Variants in GRM7 observed in about 807,000 individuals in gnomAD.
GRM7 encodes glutamate metabotropic receptor 7, also known as metabotropic glutamate receptor 7.
GRM7 carries 35 observed loss-of-function variants against 84.5 expected under a neutral mutation model. The observed-to-expected ratio is 0.41, with a 90% CI of 0.32 to 0.55. The LOEUF (loss-of-function observed/expected upper bound fraction) is 0.55, where lower values mean the gene tolerates loss of function less well. Ranked by LOEUF, GRM7 falls within the 20% of genes least tolerant of loss-of-function variation. GRM7 has a pLI of 0.19. For missense variants in GRM7, 1,003 were observed against 1,194.6 expected, an observed-to-expected ratio of 0.84 and a Z score of 2.36; for synonymous variants, 487 against 455.1, an observed-to-expected ratio of 1.07 and a Z score of -0.89.
chr3:7,424,334 C>T (rs1271221895), intron 5 of GRM7, among the ~76,000 whole-genome samples: 1 of 151,922 alleles, frequency 6.6e-6, no homozygotes, highest in Non-Finnish European at 1.5e-5. Flanking sequence ...AAAGTCAGGG[C>T]TCCTCCATGA....
rs1700619491 is a variant in GRM7 at position 7,522,117 on chromosome 3, T to C, written c.1516-56305T>C. 2.0e-5 allele frequency among the ~76,000 whole-genome samples: 3 copies of C among 152,292 alleles called. No homozygotes were observed. The South Asian group carries it at 6.2e-4, about 32-fold the overall frequency. On this transcript the variant is annotated intron_variant, in intron 7 of 9. Transcript: ENST00000357716. Reference sequence around the variant, plus strand: ...CAGGTTTGTGTTAGACCGTAGCCTCTGAAATCTTTGTCTAACCTGGAAATA... The same window carrying C: ...CAGGTTTGTGTTAGACCGTAGCCTCCGAAATCTTTGTCTAACCTGGAAATA...
chr3:7,497,108 G>T (rs1699734025), intron 7 of GRM7, among the ~76,000 whole-genome samples: 1 of 138,762 alleles, frequency 7.2e-6, no homozygotes, highest in Non-Finnish European at 1.6e-5. Context: ...AGAACTTGTG[G>T]CCATGTCTAG....
intron 1 of GRM7, among the ~76,000 whole-genome samples, chr3:6,933,380 T>A (rs1421781840): frequency 6.6e-6 from 1 of 152,152 alleles, no homozygotes; most frequent in Non-Finnish European, 1.5e-5. Flanking sequence ...CTAAACTGAT[T>A]GTAGTTCTGT....
intron 2 of GRM7, among the ~76,000 whole-genome samples, chr3:7,277,504 G>A (rs1279132115): frequency 6.6e-6 from 1 of 152,018 alleles, no homozygotes; most frequent in African/African-American, 2.4e-5. Flanking sequence ...TCAGATAAAT[G>A]AAAGAAAACA....
intron 8 of GRM7, among the ~76,000 whole-genome samples, chr3:7,629,224 G>C (rs1409053763): frequency 6.6e-6 from 1 of 152,152 alleles, no homozygotes; most frequent in Non-Finnish European, 1.5e-5. Flanking sequence ...TACTGTAATA[G>C]ATAGTACTAT....
chr3:7,445,916 C>A (rs56238022), intron 5 of GRM7, among the ~76,000 whole-genome samples: 2 of 152,102 alleles, frequency 1.3e-5, no homozygotes, highest in Admixed American at 1.3e-4. Context: ...CTGTAACACT[C>A]CAGGATATTC....
chr3:6,985,551 T>C (rs1575099890), intron 1 of GRM7, among the ~76,000 whole-genome samples: 1 of 152,214 alleles, frequency 6.6e-6, no homozygotes, highest in Admixed American at 6.5e-5. Context: ...GGCTTGCAGG[T>C]ATGCCTGATG....
At position 7,222,367 on chromosome 3, in the gene GRM7, G is replaced by A. The variant is rs189894594; in HGVS notation, c.736+75699G>A. Among the ~76,000 whole-genome samples the A allele has an allele frequency of 4.3e-3, 648 of 152,036 alleles. 12 individuals are homozygous for A. The highest frequency in any genetic ancestry group is 3.4e-3 in the Middle Eastern group (1 of 294). ...AAGGACCTGACTCCCAACCCCCACC[G>A]CGAACTGACTTTGAGATTGGATAGA... On this transcript the variant is annotated intron_variant, in intron 2 of 9. Coordinates refer to ENST00000357716, the MANE Select transcript of GRM7 (RefSeq NM_000844.4).
chr3:7,422,616 C>G (rs527955109), intron 5 of GRM7, among the ~76,000 whole-genome samples: 1 of 152,122 alleles, frequency 6.6e-6, no homozygotes, highest in Non-Finnish European at 1.5e-5. Flanking sequence ...TCATATCCTT[C>G]CATTATTTTT....
chr3:7,301,010 CT>C lies in GRM7; in HGVS notation c.878+2193del, dbSNP rs1050133030. Among the ~76,000 whole-genome samples, 6 of 151,954 alleles carry C rather than the reference CT, an allele frequency of 3.9e-5. 1 individual carries two copies. Among genetic ancestry groups the C allele is most frequent in the African/African-American group, 1.4e-4 (6 of 41,402 alleles). On this transcript the variant is annotated intron_variant, in intron 3 of 9. Transcript: ENST00000357716. ...TATTTAATAATTTAACAATAAGCTT[CT>C]TTTTTTTCTGAACTTCCTGGTGATT...
intron 4 of GRM7, among the ~76,000 whole-genome samples, chr3:7,370,972 G>C (rs1319525661): frequency 6.6e-6 from 1 of 152,150 alleles, no homozygotes; most frequent in Non-Finnish European, 1.5e-5. Context: ...GATTTTAGGA[G>C]CCTGATTTGT....
chr3:7,113,526 A>C (rs770796575), intron 1 of GRM7, among the ~76,000 whole-genome samples: 1 of 152,162 alleles, frequency 6.6e-6, no homozygotes, highest in African/African-American at 2.4e-5. Flanking sequence ...CTGGGATTAC[A>C]GGCATGACTC....
At chr3:7,066,544 CAA>C in intron 1 of GRM7, among the ~76,000 whole-genome samples, 1 of 151,668 alleles carries the variant, frequency 6.6e-6, no homozygotes, top group African/African-American at 2.4e-5. Context: ...AAATTACCAA[CAA>C]CAAAAAAAGT....
chr3:7,689,007 CT>C (rs1700693063), intron 9 of GRM7, among the ~76,000 whole-genome samples: 1 of 152,198 alleles, frequency 6.6e-6, no homozygotes, highest in Admixed American at 6.5e-5. Context: ...TTTTAAAACT[CT>C]GCAAAGTGTT....
At chr3:7,729,605 G>A (rs1209856010) in intron 9 of GRM7, among the ~76,000 whole-genome samples, 7 of 152,188 alleles carry the variant, frequency 4.6e-5, no homozygotes, top group Non-Finnish European at 7.3e-5. Context: ...AACTAACGCT[G>A]TATTTTGCTC....
intron 9 of GRM7, among the ~76,000 whole-genome samples, chr3:7,739,985 G>A (rs1373812873): frequency 6.6e-6 from 1 of 152,118 alleles, no homozygotes; most frequent in Non-Finnish European, 1.5e-5. Context: ...CCAAGCAAAG[G>A]CCAGTTATTA....
intron 8 of GRM7, among the ~76,000 whole-genome samples, chr3:7,666,613 G>A (rs1368710203): frequency 1.3e-5 from 2 of 152,082 alleles, no homozygotes; most frequent in East Asian, 1.9e-4. Context: ...CGGCCAAAAC[G>A]TTAGAACTTA....
chr3:7,418,018 G>T (rs1374003453), intron 5 of GRM7, among the ~76,000 whole-genome samples: 1 of 152,082 alleles, frequency 6.6e-6, no homozygotes, highest in Non-Finnish European at 1.5e-5. Flanking sequence ...TAAGAAACAT[G>T]AGATAAGCTG....
chr3:7,289,489 C>T (rs879630704), intron 2 of GRM7, among the ~76,000 whole-genome samples: 1 of 152,032 alleles, frequency 6.6e-6, no homozygotes, highest in Non-Finnish European at 1.5e-5. Context: ...ACCATTTGAC[C>T]CAGCCATCCC....
Sources: gnomAD v4.1 joint callset for allele counts (sites outside exome capture counted in the v4.1 genomes callset) on GRCh38, gnomAD v4.1.1 for gene constraint, MANE v1.5 for transcripts, NCBI Gene and HGNC (gene_info 2026-07-23, HGNC 2026-07-21) for gene names.